The following TSHZ3 variants were observed in gnomAD, a reference collection of about 807,000 sequenced individuals.
The protein encoded by TSHZ3 is teashirt zinc finger homeobox 3.
TSHZ3 carries 10 observed loss-of-function variants against 64.5 expected under a neutral mutation model. The observed-to-expected ratio is 0.16, with a 90% CI of 0.10 to 0.26. The LOEUF is 0.26. TSHZ3 is among the 10% of genes least tolerant of loss of function. The pLI is 1.00. For synonymous variants in TSHZ3, 608 were observed against 593.1 expected (o/e 1.03, Z -0.36); for missense variants, 1,242 against 1,421.7 (o/e 0.87, Z 2.03).
rs1051729386 is a variant in TSHZ3 at position 31,276,502 on chromosome 19, G to T, written c.*45C>A. 13 of 1,510,330 alleles carry T rather than the reference G, an allele frequency of 8.6e-6. No homozygotes were observed. The highest frequency in any genetic ancestry group is 1.2e-5 in the Non-Finnish European group (13 of 1,126,736). 93.6% of individuals were successfully genotyped at this position (1,510,330 alleles called of 1,614,324 possible). ...AGGGGGCCTGAAGGTGCCTTCCACAGTTTCCCTCAAAGCAAACTGCAGTCC... is the reference window on the plus strand; with the variant it reads ...AGGGGGCCTGAAGGTGCCTTCCACATTTTCCCTCAAAGCAAACTGCAGTCC... On this transcript the variant is annotated 3_prime_UTR_variant, in exon 2 of 2. Transcript: ENST00000240587.
intron 1 of TSHZ3, among the ~76,000 whole-genome samples, chr19:31,345,612 G>A (rs962312636): frequency 1.3e-5 from 2 of 152,120 alleles, no homozygotes; most frequent in South Asian, 2.1e-4. Flanking sequence ...AGAACTCCAC[G>A]GAACATTACC....
At chr19:31,196,346 A>G (rs751417650) in intron 5 of TSHZ3, among the ~76,000 whole-genome samples, 1 of 152,028 alleles carries the variant, frequency 6.6e-6, no homozygotes, top group Non-Finnish European at 1.5e-5. Context: ...AAGAGGGAAA[A>G]TGAACTTATA....
At chr19:31,330,422 G>C (rs1380566947) in intron 1 of TSHZ3, among the ~76,000 whole-genome samples, 1 of 152,206 alleles carries the variant, frequency 6.6e-6, no homozygotes, top group Non-Finnish European at 1.5e-5. Flanking sequence ...CTTGAGGACT[G>C]GCCTGACGGC....
chr19:31,267,737 G>C (rs1459267444), intron 1 of TSHZ3, among the ~76,000 whole-genome samples: 1 of 152,170 alleles, frequency 6.6e-6, no homozygotes, highest in Admixed American at 6.5e-5. Flanking sequence ...GGCATTTAGA[G>C]AGCAGAGGCT....
At chr19:31,290,077 C>T (rs1336791430) in intron 1 of TSHZ3, among the ~76,000 whole-genome samples, 3 of 152,170 alleles carry the variant, frequency 2.0e-5, no homozygotes, top group African/African-American at 7.2e-5. Context: ...AGGGGAACCA[C>T]ACCTGCCATA....
chr19:31,325,553 C>G (rs1275780767), intron 1 of TSHZ3, among the ~76,000 whole-genome samples: 1 of 152,132 alleles, frequency 6.6e-6, no homozygotes, highest in Non-Finnish European at 1.5e-5. Flanking sequence ...AGAGACATCA[C>G]GCGCGCACTC....
At chr19:31,206,236 A>C (rs1168477679) in intron 4 of TSHZ3, among the ~76,000 whole-genome samples, 1 of 151,366 alleles carries the variant, frequency 6.6e-6, no homozygotes, top group East Asian at 2.0e-4. Context: ...TGGATGGATT[A>C]ATGGACAAGT....
chr19:31,328,970 G>A (rs1917000614), intron 1 of TSHZ3, among the ~76,000 whole-genome samples: 1 of 152,150 alleles, frequency 6.6e-6, no homozygotes, highest in Non-Finnish European at 1.5e-5. Flanking sequence ...TTGCGGAAGA[G>A]TTGGTAGTCA....
At chr19:31,254,136 G>A (rs1394460385) in intron 1 of TSHZ3, among the ~76,000 whole-genome samples, 1 of 152,152 alleles carries the variant, frequency 6.6e-6, no homozygotes, top group African/African-American at 2.4e-5. Context: ...ATTTTGAATG[G>A]GAGACTGAGT....
At chr19:31,215,167 A>G (rs566261361) in intron 4 of TSHZ3, among the ~76,000 whole-genome samples, 2 of 152,284 alleles carry the variant, frequency 1.3e-5, no homozygotes, top group African/African-American at 4.8e-5. Flanking sequence ...TCATGTCAAT[A>G]CTACCCTGTA....
chr19:31,314,327 C>A (rs1478003392), intron 1 of TSHZ3, among the ~76,000 whole-genome samples: 4 of 152,184 alleles, frequency 2.6e-5, no homozygotes, highest in Admixed American at 2.6e-4. Flanking sequence ...GAGCGGGCGG[C>A]AGGGAGGCAT....
chr19:31,325,931 C>T (rs910167213), intron 1 of TSHZ3, among the ~76,000 whole-genome samples: 4 of 152,100 alleles, frequency 2.6e-5, no homozygotes, highest in African/African-American at 7.2e-5. Context: ...AGATTTGCCA[C>T]CATTTTATTA....
downstream of TSHZ3, among the ~76,000 whole-genome samples, chr19:31,273,181 G>A (rs143458163): frequency 5.9e-5 from 9 of 152,096 alleles, no homozygotes; most frequent in African/African-American, 1.4e-4. Context: ...AACCATATCC[G>A]CCATGCTGCC....
chr19:31,321,189 T>C (rs183427139), intron 1 of TSHZ3, among the ~76,000 whole-genome samples: 196 of 152,306 alleles, frequency 1.3e-3, no homozygotes, highest in Admixed American at 4.4e-3. Flanking sequence ...GGCCAGCTCC[T>C]TAATGTCTAA....
At chr19:31,337,068 T>C (rs1917272027) in intron 1 of TSHZ3, among the ~76,000 whole-genome samples, 1 of 151,270 alleles carries the variant, frequency 6.6e-6, no homozygotes, top group Non-Finnish European at 1.5e-5. Flanking sequence ...AAGGGTCATA[T>C]CTTTTTAATT....
chr19:31,183,151 A>G (rs1234093848), intron 5 of TSHZ3, among the ~76,000 whole-genome samples: 1 of 151,280 alleles, frequency 6.6e-6, no homozygotes, highest in East Asian at 2.0e-4. Context: ...GACAGCCTCT[A>G]CAATCATGTG....
chr19:31,181,032 G>T (rs1974705140), intron 5 of TSHZ3, among the ~76,000 whole-genome samples: 1 of 152,162 alleles, frequency 6.6e-6, no homozygotes, highest in African/African-American at 2.4e-5. Flanking sequence ...ATCTCAGGTT[G>T]TTCATTCCCA....
At chr19:31,260,820 A>C (rs1308075849) in intron 1 of TSHZ3, among the ~76,000 whole-genome samples, 2 of 152,210 alleles carry the variant, frequency 1.3e-5, no homozygotes, top group African/African-American at 4.8e-5. Flanking sequence ...AAGGAGAGGC[A>C]GGCTGTGTTA....
At chr19:31,217,221 GAAC>G (rs1012581950) in intron 4 of TSHZ3, among the ~76,000 whole-genome samples, 1 of 152,270 alleles carries the variant, frequency 6.6e-6, no homozygotes, top group African/African-American at 2.4e-5. Flanking sequence ...GTGGGCAGAG[GAAC>G]AACAAGGACA....
Sources: gnomAD v4.1 joint callset for allele counts (sites outside exome capture counted in the v4.1 genomes callset) on GRCh38, gnomAD v4.1.1 for gene constraint, MANE v1.5 for transcripts, NCBI Gene and HGNC (gene_info 2026-07-23, HGNC 2026-07-21) for gene names.